Variants in OSBP2 observed in about 807,000 individuals in gnomAD.
OSBP2 encodes oxysterol-binding protein 2.
In OSBP2, 66 loss-of-function variants were observed where a neutral mutation model predicts 96.0. The observed-to-expected ratio is 0.69, with a 90% CI of 0.56 to 0.84. OSBP2 has a LOEUF of 0.84. OSBP2 is among the 40% of genes least tolerant of loss of function. OSBP2 has a pLI of 0.00. For missense variants in OSBP2, 1,038 were observed against 1,222.7 expected (o/e 0.85, Z 2.25); for synonymous variants, 525 against 520.9 (o/e 1.01, Z -0.11).
chr22:30,715,929 T>TGG (rs2089446653), intron 1 of OSBP2, among the ~76,000 whole-genome samples: 1 of 150,200 alleles, frequency 6.7e-6, no homozygotes, highest in Non-Finnish European at 1.5e-5. Flanking sequence ...TGGGCTCAAG[T>TGG]GATCCTCCCA....
At chr22:30,905,496 T>C (rs1460091315) in intron 12 of OSBP2, among the ~76,000 whole-genome samples, 1 of 151,678 alleles carries the variant, frequency 6.6e-6, no homozygotes, top group Admixed American at 6.6e-5. Context: ...AGAGTGAAAC[T>C]GTCTCAAAAA....
chr22:30,751,865 C>G (rs1178748821), intron 2 of OSBP2, among the ~76,000 whole-genome samples: 1 of 152,204 alleles, frequency 6.6e-6, no homozygotes, highest in African/African-American at 2.4e-5. Flanking sequence ...TGAGGCTCAG[C>G]AGCCCCCGAG....
upstream of OSBP2, chr22:30,694,807 C>T: frequency 1.8e-6 from 1 of 567,906 alleles, no homozygotes; most frequent in Non-Finnish European, 2.2e-6. Flanking sequence ...CCCGCGCGCG[C>T]CCCCGCCTCG....
Position 30,888,205 on chromosome 22 carries a change from C to A in OSBP2, c.1301-18C>A. On this transcript the variant is annotated intron_variant, in intron 4 of 13. Coordinates refer to ENST00000332585, the MANE Select transcript of OSBP2 (RefSeq NM_030758.4). ...CCTTTTGTGAGGTTACAAATTAAAG[C>A]TCTGTCTGTGTCTCTAGGAAGCCTC... is the stretch of plus-strand genomic sequence containing the variant. 1 of 1,499,398 alleles carries A rather than the reference C, an allele frequency of 6.7e-7. No homozygotes were observed. Among genetic ancestry groups the A allele is most frequent in the Non-Finnish European group, 9.3e-7 (1 of 1,075,734 alleles). 92.9% of individuals were successfully genotyped at this position (1,499,398 alleles called of 1,614,324 possible).
In OSBP2 at chr22:30,888,279, T is replaced by C. The variant is rs1302964185; in HGVS notation, c.1357T>C (p.Phe453Leu). 4.3e-6 allele frequency: 7 copies of C among 1,613,838 alleles called. No homozygotes were observed. In the Admixed American group the frequency reaches 8.3e-5, roughly 19 times the overall value. Residue 453 changes from phenylalanine (F) to leucine (L), a missense_variant, in exon 5 of 14, where the codon TTT (phenylalanine) becomes CTT (leucine). Physicochemically the swap from Phe to Leu is conservative, Grantham distance 22. This residue lies in a region of OSBP2 where 737 missense variants were observed against 913.3 expected (regional missense o/e 0.81). Coordinates refer to ENST00000332585, the MANE Select transcript of OSBP2 (RefSeq NM_030758.4). Reference protein sequence around the residue: ...DSEEDEDTEYFDAMEDSTSFI... With the variant: ...DSEEDEDTEYLDAMEDSTSFI... The stretch of plus-strand genomic sequence containing the variant: ...TGAGGAAGATGAAGATACCGAGTAC[T>C]TTGATGCCATGGAAGACTCCACATC...
In OSBP2 at chr22:30,704,579, C is replaced by T. The variant is rs572116838; in HGVS notation, c.644+9026C>T. The stretch of plus-strand genomic sequence containing the variant: ...TCGCCCAGGCTGGAGTGAAGTGGTG[C>T]AGTCTCAGTTCACTGCAACCTCTGC... On this transcript the variant is annotated intron_variant, in intron 1 of 13. Coordinates refer to ENST00000332585, the MANE Select transcript of OSBP2 (RefSeq NM_030758.4). Among the ~76,000 whole-genome samples the T allele has an allele frequency of 9.3e-5, 14 of 150,126 alleles. No individual in the cohort carries two copies. The South Asian group carries it at 2.7e-3, about 29-fold the overall frequency.
chr22:30,760,002 C>T (rs930303226), intron 2 of OSBP2, among the ~76,000 whole-genome samples: 1 of 152,040 alleles, frequency 6.6e-6, no homozygotes, highest in East Asian at 1.9e-4. Context: ...GCTGGGATTA[C>T]AGGCATGTGC....
intron 1 of OSBP2, among the ~76,000 whole-genome samples, chr22:30,733,401 G>T (rs1016837690): frequency 6.6e-6 from 1 of 152,196 alleles, no homozygotes; most frequent in Admixed American, 6.5e-5. Flanking sequence ...TCTGCAGGGG[G>T]GATAAATGAA....
intron 2 of OSBP2, among the ~76,000 whole-genome samples, chr22:30,787,486 A>G (rs1330728099): frequency 6.6e-6 from 1 of 152,128 alleles, no homozygotes; most frequent in Non-Finnish European, 1.5e-5. Flanking sequence ...CAGCATGACC[A>G]ACATGGTGAA....
intron 2 of OSBP2, among the ~76,000 whole-genome samples, chr22:30,768,570 G>T (rs189042930): frequency 4.9e-4 from 75 of 152,052 alleles, no homozygotes; most frequent in Middle Eastern, 3.4e-3. Flanking sequence ...CCACCTACTC[G>T]GGAGGCTGAG....
At chr22:30,818,287 T>C (rs1168369228) in intron 2 of OSBP2, among the ~76,000 whole-genome samples, 1 of 152,234 alleles carries the variant, frequency 6.6e-6, no homozygotes, top group East Asian at 1.9e-4. Flanking sequence ...TTCAGCGTTT[T>C]TTTTTTAGCA....
At chr22:30,843,450 C>CAA (rs113124590) in intron 2 of OSBP2, among the ~76,000 whole-genome samples, 4 of 133,172 alleles carry the variant, frequency 3.0e-5, no homozygotes, top group Non-Finnish European at 6.5e-5. Context: ...TCTTTCCCCC[C>CAA]TCCCCCTTGA....
At chr22:30,714,410 G>GTT (rs144676068) in intron 1 of OSBP2, among the ~76,000 whole-genome samples, 4 of 145,868 alleles carry the variant, frequency 2.7e-5, no homozygotes, top group African/African-American at 7.5e-5. Context: ...TTTTTCTTGT[G>GTT]TTTTTTTTTT....
intron 2 of OSBP2, among the ~76,000 whole-genome samples, chr22:30,844,259 G>T (rs1250859450): frequency 7.9e-5 from 12 of 152,140 alleles, no homozygotes; most frequent in Admixed American, 7.9e-4. Flanking sequence ...CAGCCGCATT[G>T]TCCCCTAAGA....
At position 30,731,658 on chromosome 22, in the gene OSBP2, TC is replaced by T; in HGVS notation, c.645-9501del. ...TCGTGCCCTCCCATGATATCAGCTC[TC>T]CTACTTCAATGTGGGAATCTCCGTT... On this transcript the variant is annotated intron_variant, in intron 1 of 13. Transcript: ENST00000332585. 3 of 154,690 alleles carry T rather than the reference TC, an allele frequency of 1.9e-5. 1 individual carries two copies. In the Admixed American group the frequency reaches 2.0e-4, roughly 10 times the overall value. 9.6% of individuals were successfully genotyped at this position (154,690 alleles called of 1,614,324 possible).
At chr22:30,723,303 C>T (rs1457029837) in intron 1 of OSBP2, among the ~76,000 whole-genome samples, 1 of 151,766 alleles carries the variant, frequency 6.6e-6, no homozygotes, top group African/African-American at 2.4e-5. Flanking sequence ...GACGGGGTTT[C>T]ACCATATTGG....
chr22:30,773,081 T>A (rs1282588531), intron 2 of OSBP2: 1 of 145,244 alleles, frequency 6.9e-6, no homozygotes. Context: ...CATGAGCCAC[T>A]GAGCCCAGCC....
At chr22:30,882,389 A>T (rs1228025352) in intron 3 of OSBP2, among the ~76,000 whole-genome samples, 1 of 152,044 alleles carries the variant, frequency 6.6e-6, no homozygotes, top group Non-Finnish European at 1.5e-5. Context: ...ACCCTGGGGG[A>T]CATGCAGGTG....
At chr22:30,775,287 A>G (rs5997762) in intron 2 of OSBP2, among the ~76,000 whole-genome samples, 87,325 of 151,774 alleles carry the variant, frequency 0.58, 25,522 homozygotes, top group African/African-American at 0.67. Context: ...TTCACTGTGT[A>G]TCTCTAAAAA....
Sources: gnomAD v4.1 joint callset for allele counts (sites outside exome capture counted in the v4.1 genomes callset) on GRCh38, gnomAD v4.1.1 for gene constraint, gnomAD v4.1.1 regional missense constraint, MANE v1.5 for transcripts, NCBI Gene and HGNC (gene_info 2026-07-23, HGNC 2026-07-21) for gene names.